CDH13: variants seen among roughly 807,000 people sequenced by gnomAD.
CDH13 encodes cadherin-13.
Under a neutral mutation model 63.8 loss-of-function variants are expected in CDH13, and 24 were observed. That is an observed-to-expected ratio of 0.38 (90% CI 0.27 to 0.53). The LOEUF is 0.53. Among genes scored for constraint, CDH13 ranks in the 20% least tolerant of loss-of-function variants. CDH13 has a pLI of 0.85. For synonymous variants in CDH13, 503 were observed against 355.3 expected (o/e 1.42, Z -4.67); for missense variants, 1,049 against 903.1 (o/e 1.16, Z -2.07).
At chr16:83,102,377 A>G (rs1597339045) in intron 3 of CDH13, among the ~76,000 whole-genome samples, 1 of 152,238 alleles carries the variant, frequency 6.6e-6, no homozygotes, top group African/African-American at 2.4e-5. Context: ...AGAGATACCC[A>G]GGCAGGGAGA....
At chr16:83,696,499 C>A (rs777392617) in intron 10 of CDH13, among the ~76,000 whole-genome samples, 1 of 152,146 alleles carries the variant, frequency 6.6e-6, no homozygotes, top group Non-Finnish European at 1.5e-5. Context: ...CCTGGAACTC[C>A]CACCAGGGAG....
intron 5 of CDH13, among the ~76,000 whole-genome samples, chr16:83,285,369 G>T (rs1445725756): frequency 1.3e-5 from 2 of 152,052 alleles, no homozygotes; most frequent in Non-Finnish European, 2.9e-5. Flanking sequence ...GGTTGTTTTA[G>T]GGGCACAGGT....
At chr16:83,651,324 T>C (rs1446093504) in intron 8 of CDH13, among the ~76,000 whole-genome samples, 1 of 152,208 alleles carries the variant, frequency 6.6e-6, no homozygotes, top group Non-Finnish European at 1.5e-5. Flanking sequence ...TTTCTTTATG[T>C]ATTTTATTTA....
intron 6 of CDH13, among the ~76,000 whole-genome samples, chr16:83,392,942 A>G (rs2091816591): frequency 8.9e-6 from 1 of 111,786 alleles, no homozygotes; most frequent in Non-Finnish European, 2.1e-5. Context: ...GCTGGAAGGA[A>G]GTTGGGAGGG....
At chr16:82,806,857 G>C (rs1328963550) in intron 1 of CDH13, among the ~76,000 whole-genome samples, 1 of 152,114 alleles carries the variant, frequency 6.6e-6, no homozygotes, top group Admixed American at 6.6e-5. Flanking sequence ...AAACATAACT[G>C]AGAAATACAG....
chr16:83,658,869 TCTC>T (rs1184250181), intron 8 of CDH13, among the ~76,000 whole-genome samples: 2 of 132,510 alleles, frequency 1.5e-5, no homozygotes, highest in African/African-American at 5.9e-5. Flanking sequence ...ACCAGCAAGG[TCTC>T]CTGTCCTCAC....
intron 2 of CDH13, among the ~76,000 whole-genome samples, chr16:82,905,650 TC>T (rs1159248189): frequency 1.3e-5 from 2 of 152,172 alleles, no homozygotes; most frequent in African/African-American, 4.8e-5. Flanking sequence ...AGTAGGTGCA[TC>T]AAAAAAGCAA....
Position 83,450,048 on chromosome 16 carries a change from G to A in CDH13, c.782-36429G>A, listed in dbSNP as rs529964166. 5.9e-5 allele frequency among the ~76,000 whole-genome samples: 9 copies of A among 152,344 alleles called. 1 individual carries two copies. The South Asian group carries it at 1.9e-3, about 32-fold the overall frequency. ...GGCCCAGCTGCTCATCACTGGGGTT[G>A]CAGAGTTCAATGCCGACATCCCAAC... is the stretch of plus-strand genomic sequence containing the variant. On this transcript the variant is annotated intron_variant, in intron 6 of 13. Transcript: ENST00000567109.
intron 1 of CDH13, among the ~76,000 whole-genome samples, chr16:82,650,322 G>C (rs1474997544): frequency 6.6e-6 from 1 of 152,184 alleles, no homozygotes; most frequent in Non-Finnish European, 1.5e-5. Flanking sequence ...ACTGGAGAGT[G>C]GCTGAGGAGC....
chr16:82,976,311 G>A (rs1909498643), intron 2 of CDH13, among the ~76,000 whole-genome samples: 1 of 152,004 alleles, frequency 6.6e-6, no homozygotes, highest in African/African-American at 2.4e-5. Flanking sequence ...CCCAGGTGGG[G>A]GCCGATTCTT....
intron 2 of CDH13, among the ~76,000 whole-genome samples, chr16:82,890,877 C>G (rs953277830): frequency 6.6e-6 from 1 of 152,026 alleles, no homozygotes; most frequent in African/African-American, 2.4e-5. Context: ...GTCTTGAACT[C>G]CTGACCTCCA....
chr16:82,785,118 G>A lies in CDH13; in HGVS notation c.46-73244G>A, dbSNP rs189989453. Reference sequence around the variant, plus strand: ...AGTCTGAAGGAGGGAGGGTACTGCAGTCTTTCAGGGGAGAGACGGGGGCTT... The same window carrying A: ...AGTCTGAAGGAGGGAGGGTACTGCAATCTTTCAGGGGAGAGACGGGGGCTT... On this transcript the variant is annotated intron_variant, in intron 1 of 13. Coordinates refer to ENST00000567109, the MANE Select transcript of CDH13 (RefSeq NM_001257.5). 2.8e-3 allele frequency among the ~76,000 whole-genome samples: 424 copies of A among 152,316 alleles called. 2 individuals carry two copies. Among genetic ancestry groups the A allele is most frequent in the African/African-American group, 9.5e-3 (397 of 41,578 alleles).
intron 2 of CDH13, among the ~76,000 whole-genome samples, chr16:82,966,570 C>G (rs148055107): frequency 6.6e-6 from 1 of 152,126 alleles, no homozygotes; most frequent in African/African-American, 2.4e-5. Flanking sequence ...GATTCTAGAG[C>G]CTTTGTTCTG....
intron 3 of CDH13, among the ~76,000 whole-genome samples, chr16:83,084,515 A>T (rs1435350701): frequency 1.3e-5 from 2 of 152,182 alleles, no homozygotes; most frequent in African/African-American, 4.8e-5. Context: ...TGGGGAAAAA[A>T]TGTACTTATT....
chr16:83,628,611 C>T (rs1910525968), intron 8 of CDH13, among the ~76,000 whole-genome samples: 1 of 152,146 alleles, frequency 6.6e-6, no homozygotes, highest in African/African-American at 2.4e-5. Flanking sequence ...ACAAGCTCTT[C>T]CCAGTCTGTA....
intron 7 of CDH13, among the ~76,000 whole-genome samples, chr16:83,538,775 C>T (rs967171108): frequency 1.3e-5 from 2 of 152,074 alleles, no homozygotes; most frequent in African/African-American, 2.4e-5. Context: ...TTTTTAAAGA[C>T]ATATTAAACT....
intron 8 of CDH13, among the ~76,000 whole-genome samples, chr16:83,664,529 A>G (rs1427227698): frequency 6.8e-6 from 1 of 147,772 alleles, no homozygotes; most frequent in Non-Finnish European, 1.5e-5. Flanking sequence ...TTATTTTTAT[A>G]TTATATTTCA....
intron 5 of CDH13, among the ~76,000 whole-genome samples, chr16:83,299,139 C>G (rs1013917694): frequency 3.9e-5 from 6 of 151,994 alleles, no homozygotes; most frequent in Admixed American, 3.9e-4. Flanking sequence ...GTTTTGCAAC[C>G]TGTTTTATCT....
chr16:83,090,818 A>G (rs1052443981), intron 3 of CDH13, among the ~76,000 whole-genome samples: 2 of 152,110 alleles, frequency 1.3e-5, no homozygotes, highest in African/African-American at 4.8e-5. Flanking sequence ...ACAGACTAAT[A>G]AAAACAAATC....
Sources: allele counts gnomAD v4.1 joint callset (sites outside exome capture counted in the v4.1 genomes callset), GRCh38; gene constraint gnomAD v4.1.1; transcripts MANE v1.5; gene names NCBI Gene and HGNC (gene_info 2026-07-23, HGNC 2026-07-21).